Variants in SNX31 observed in about 807,000 individuals in gnomAD.
SNX31 encodes the protein sorting nexin 31.
In SNX31, 58 loss-of-function variants were observed where a neutral mutation model predicts 65.4. The observed-to-expected ratio is 0.89, with a 90% CI of 0.72 to 1.10. The LOEUF (loss-of-function observed/expected upper bound fraction) is 1.10. SNX31 is among the 50% of genes least tolerant of loss of function. The probability of loss-of-function intolerance (pLI) is 0.00; values close to 1 mark genes in which losing one functional copy is unlikely to be tolerated. For synonymous variants in SNX31, 181 were observed against 190.1 expected (o/e 0.95, Z 0.39); for missense variants, 523 against 529.7 (o/e 0.99, Z 0.12).
intron 7 of SNX31, among the ~76,000 whole-genome samples, chr8:100,611,473 G>T (rs1378486462): frequency 6.6e-6 from 1 of 152,056 alleles, no homozygotes; most frequent in African/African-American, 2.4e-5. Context: ...ATTTACCTGA[G>T]ACTACTGATA....
In SNX31 at chr8:100,588,953, G is replaced by A; in HGVS notation, c.1005C>T (p.Pro335=). Residue 335 remains proline, a synonymous_variant, in exon 11 of 14, where the codon CCC becomes CCT. Transcript: ENST00000311812. This position sits in a 1 kb window ranked among gnomAD's most constrained non-coding sequence, Gnocchi z 4.8. ...FLGTLLDTDG[P]QRTLNQNLEL... ...CTAAGTTCTGGTTGAGAGTTCTCTG[G>A]GGCCCATCCGTATCCAGCAGAGTTC... 6.2e-7 allele frequency: 1 copy of A among 1,613,758 alleles called. No homozygotes were observed. The highest frequency in any genetic ancestry group is 8.5e-7 in the Non-Finnish European group (1 of 1,179,836).
chr8:100,635,931 C>T lies in SNX31; in HGVS notation c.222G>A (p.Glu74=). Residue 74 remains glutamate, a synonymous_variant, in exon 3 of 14, where the codon GAG becomes GAA. Transcript: ENST00000311812. ...YLAMTTAMAD[E]RRDQLEQYLQ... is the part of the protein sequence containing the mutation. ...AATATTGTTCCAGTTGGTCCCTCCTCTCATCAGCCATAGCTGTGGTCATTG... is the reference window on the plus strand; with the variant it reads ...AATATTGTTCCAGTTGGTCCCTCCTTTCATCAGCCATAGCTGTGGTCATTG... 1 of 1,614,150 alleles carries T rather than the reference C, an allele frequency of 6.2e-7. No homozygotes were observed. Among genetic ancestry groups the T allele is most frequent in the Non-Finnish European group, 8.5e-7 (1 of 1,179,998 alleles).
rs144447406 is a variant in SNX31, at chr8:100,588,920, T to C, written c.1038A>G (p.Arg346=). ...QRTLNQNLEL[R]FQYSEDSCWQ... is the part of the protein sequence containing the mutation. The stretch of plus-strand genomic sequence containing the variant: ...AGCAACTATCCTCACTGTATTGAAA[T>C]CTGAGCTCTAAGTTCTGGTTGAGAG... The change falls in exon 11 of 14, where the codon AGA becomes AGG. Residue 346 remains arginine, a synonymous_variant. Transcript: ENST00000311812. The surrounding 1 kb of genome is among the most constrained non-coding windows in gnomAD (Gnocchi z 4.8). 6,256 of 1,614,054 alleles carry C rather than the reference T, an allele frequency of 3.9e-3. 27 individuals carry two copies. The highest frequency in any genetic ancestry group is 9.7e-3 in the South Asian group (887 of 91,068).
At chr8:100,631,088 G>A (rs1419599111) in intron 3 of SNX31, among the ~76,000 whole-genome samples, 2 of 151,862 alleles carry the variant, frequency 1.3e-5, no homozygotes, top group African/African-American at 2.4e-5. Context: ...GCACCCGGCC[G>A]AGAGCACCCC....
At chr8:100,617,767 C>CA in intron 4 of SNX31, 37 bp from the exon 5 acceptor site, 41 of 1,285,418 alleles carry the variant, frequency 3.2e-5, no homozygotes, top group Non-Finnish European at 4.1e-5. Context: ...ATTTCCACAC[C>CA]TTTTTTTTTT....
intron 2 of SNX31, among the ~76,000 whole-genome samples, chr8:100,636,446 C>A (rs1330980974): frequency 6.6e-6 from 1 of 152,164 alleles, no homozygotes; most frequent in Non-Finnish European, 1.5e-5. Context: ...AAGCGGTAGC[C>A]ACCAGTCACC....
At chr8:100,583,612 T>C (rs1813755112) in intron 12 of SNX31, among the ~76,000 whole-genome samples, 1 of 152,170 alleles carries the variant, frequency 6.6e-6, no homozygotes. Context: ...AATTTTATAT[T>C]GAGGAAAAAA....
At chr8:100,602,882 C>T (rs1263299867) in intron 8 of SNX31, among the ~76,000 whole-genome samples, 2 of 152,152 alleles carry the variant, frequency 1.3e-5, no homozygotes, top group African/African-American at 4.8e-5. Context: ...TCAGACCATG[C>T]TTGACTGCAG....
chr8:100,596,914 AC>A, intron 9 of SNX31, 72 bp from the exon 10 acceptor site: 1 of 1,296,536 alleles, frequency 7.7e-7, no homozygotes, highest in South Asian at 1.2e-5. Flanking sequence ...ACAGATGAAA[AC>A]CTCATGTCAG....
At chr8:100,636,259 G>A (rs1818767007) in intron 2 of SNX31, among the ~76,000 whole-genome samples, 1 of 152,210 alleles carries the variant, frequency 6.6e-6, no homozygotes, top group African/African-American at 2.4e-5. Flanking sequence ...TGGTAGAGCT[G>A]AGATGTATTT....
intron 2 of SNX31, among the ~76,000 whole-genome samples, chr8:100,647,857 T>C (rs1409848592): frequency 6.6e-6 from 1 of 152,186 alleles, no homozygotes; most frequent in East Asian, 1.9e-4. Flanking sequence ...TTTCTCTTCC[T>C]TTGAGATCCC....
chr8:100,579,034 A>T (rs996664446), intron 12 of SNX31, among the ~76,000 whole-genome samples: 22 of 151,978 alleles, frequency 1.4e-4, no homozygotes, highest in African/African-American at 4.6e-4. Context: ...AATATTTTTT[A>T]AAAAACCAGT....
At chr8:100,632,037 G>T (rs1441506109) in intron 3 of SNX31, among the ~76,000 whole-genome samples, 1 of 152,170 alleles carries the variant, frequency 6.6e-6, no homozygotes, top group Admixed American at 6.5e-5. Context: ...AAGAAACTGA[G>T]GCTCAGAGAA....
At chr8:100,591,992 G>A (rs1814630386) in intron 10 of SNX31, among the ~76,000 whole-genome samples, 1 of 151,976 alleles carries the variant, frequency 6.6e-6, no homozygotes, top group Non-Finnish European at 1.5e-5. Context: ...AATAGGAGGA[G>A]GAAAATATGA....
At chr8:100,643,326 C>G (rs1457842611) in intron 2 of SNX31, among the ~76,000 whole-genome samples, 1 of 152,072 alleles carries the variant, frequency 6.6e-6, no homozygotes, top group African/African-American at 2.4e-5. Flanking sequence ...ACCTACTTCC[C>G]CCACCTTACT....
At position 100,612,321 on chromosome 8, in the gene SNX31, T is replaced by C. The variant is rs1215106797; in HGVS notation, c.524-234A>G. ...GTGGGGGGTGTTTTACACTGTGATATAGATGAAAAAATAGATCCGGAGACA... is the reference window on the plus strand; with the variant it reads ...GTGGGGGGTGTTTTACACTGTGATACAGATGAAAAAATAGATCCGGAGACA... On this transcript the variant is annotated intron_variant, in intron 6 of 13. Coordinates refer to ENST00000311812, the MANE Select transcript of SNX31 (RefSeq NM_152628.4). The surrounding 1 kb of genome is among the most constrained non-coding windows in gnomAD (Gnocchi z 4.3). 1.3e-5 allele frequency among the ~76,000 whole-genome samples: 2 copies of C among 151,862 alleles called. No individual in the cohort carries two copies. The highest frequency in any genetic ancestry group is 4.8e-5 in the African/African-American group (2 of 41,320).
At position 100,617,603 on chromosome 8, in the gene SNX31, G is replaced by T; in HGVS notation, c.432+17C>A. 1 of 1,543,546 alleles carries T rather than the reference G, an allele frequency of 6.5e-7. No homozygotes were observed. Among genetic ancestry groups the T allele is most frequent in the Non-Finnish European group, 8.9e-7 (1 of 1,119,614 alleles). On this transcript the variant is annotated intron_variant, in intron 5 of 13. Transcript: ENST00000311812. The stretch of plus-strand genomic sequence containing the variant: ...CCCTAGATTCAGTTCTGGAGCTGGA[G>T]TTTAAACAAAGCTTACCTCTAGGAC...
intron 8 of SNX31, among the ~76,000 whole-genome samples, chr8:100,606,423 C>T (rs1186705506): frequency 6.6e-6 from 1 of 152,150 alleles, no homozygotes; most frequent in Non-Finnish European, 1.5e-5. Context: ...GAACATTAAA[C>T]ATTTAATAAG....
Position 100,595,294 on chromosome 8 carries a change from G to A in SNX31, c.978+1345C>T, listed in dbSNP as rs570003483. 7.9e-5 allele frequency among the ~76,000 whole-genome samples: 12 copies of A among 151,340 alleles called. 1 individual carries two copies. The highest frequency in any genetic ancestry group is 2.1e-4 in the South Asian group (1 of 4,806). On this transcript the variant is annotated intron_variant, in intron 10 of 13. Transcript: ENST00000311812. ...CATGTTGAGACCAAGCTGTGAGTGC[G>A]GAGATAGAGGGAATTTGTTGTTTTT...
Sources: allele counts gnomAD v4.1 joint callset (sites outside exome capture counted in the v4.1 genomes callset), GRCh38; gene constraint gnomAD v4.1.1; non-coding constraint Gnocchi (gnomAD v3.1); transcripts MANE v1.5; gene names NCBI Gene and HGNC (gene_info 2026-07-23, HGNC 2026-07-21).